Variants in RBFOX1 observed in about 807,000 individuals in gnomAD.
RBFOX1 encodes RNA binding protein fox-1 homolog 1.
RBFOX1 carries 8 observed loss-of-function variants against 57.7 expected under a neutral mutation model. The ratio of observed to expected loss-of-function variants is 0.14; its 90% CI spans 0.08 to 0.25. The LOEUF (loss-of-function observed/expected upper bound fraction) is 0.25. Ranked by LOEUF, RBFOX1 falls within the 10% of genes least tolerant of loss-of-function variation. The pLI is 1.00. For missense variants in RBFOX1, 611 were observed against 548.5 expected (o/e 1.11, Z -1.14); for synonymous variants, 326 against 222.4 (o/e 1.47, Z -4.15).
chr16:7,185,121 T>C lies in RBFOX1; in HGVS notation c.27+133023T>C, dbSNP rs570324490. Among the ~76,000 whole-genome samples, 5 of 152,278 alleles carry C rather than the reference T, an allele frequency of 3.3e-5. No homozygotes were observed. The South Asian group carries it at 1.0e-3, about 32-fold the overall frequency. On this transcript the variant is annotated intron_variant, in intron 4 of 15. Transcript: ENST00000550418. ...TTTAAACCACCTAACAGTGGGGTAT[T>C]ATGGAAGAGCATATGGGAGCACTTT...
intron 1 of RBFOX1, among the ~76,000 whole-genome samples, chr16:6,064,565 G>A (rs1313150433): frequency 5.3e-5 from 8 of 151,636 alleles, no homozygotes; most frequent in South Asian, 2.1e-4. Context: ...TTTTTTAGAC[G>A]GAGTGTCGCT....
intron 4 of RBFOX1, among the ~76,000 whole-genome samples, chr16:5,878,980 T>G (rs2057692376): frequency 1.3e-5 from 2 of 152,200 alleles, no homozygotes; most frequent in Admixed American, 6.5e-5. Flanking sequence ...TGAAATGTGT[T>G]AAGTTACATT....
intron 1 of RBFOX1, among the ~76,000 whole-genome samples, chr16:6,114,774 G>C (rs1438487596): frequency 6.6e-6 from 1 of 152,098 alleles, no homozygotes; most frequent in African/African-American, 2.4e-5. Context: ...TAGCCTGGGA[G>C]GATTATTGGC....
At chr16:6,921,277 T>G (rs2074385850) in intron 3 of RBFOX1, among the ~76,000 whole-genome samples, 1 of 152,206 alleles carries the variant, frequency 6.6e-6, no homozygotes, top group Non-Finnish European at 1.5e-5. Context: ...TGGGTTAAAA[T>G]TTTGATACAA....
At chr16:6,497,795 G>C (rs980538279) in intron 2 of RBFOX1, among the ~76,000 whole-genome samples, 26 of 151,966 alleles carry the variant, frequency 1.7e-4, no homozygotes, top group African/African-American at 5.8e-4. Context: ...GACCTCAAGT[G>C]ATCCACCCAT....
At chr16:6,936,741 T>G (rs532285672) in intron 3 of RBFOX1, among the ~76,000 whole-genome samples, 1 of 152,210 alleles carries the variant, frequency 6.6e-6, no homozygotes, top group South Asian at 2.1e-4. Flanking sequence ...AGAGGTAGGG[T>G]AATTCCATAC....
chr16:7,391,113 GAA>G (rs2098007607), intron 4 of RBFOX1, among the ~76,000 whole-genome samples: 1 of 152,106 alleles, frequency 6.6e-6, no homozygotes. Flanking sequence ...CTTTTGCACT[GAA>G]TATGTGACAG....
chr16:7,101,399 A>G (rs1358916247), intron 4 of RBFOX1, among the ~76,000 whole-genome samples: 2 of 152,202 alleles, frequency 1.3e-5, no homozygotes, highest in African/African-American at 4.8e-5. Context: ...AAACTCTTGG[A>G]TTTCGTTCCA....
chr16:5,856,078 T>A (rs2057021860), intron 3 of RBFOX1, among the ~76,000 whole-genome samples: 1 of 144,658 alleles, frequency 6.9e-6, no homozygotes, highest in Admixed American at 7.0e-5. Flanking sequence ...GATTTTTGTA[T>A]GTGGATTTTG....
intron 4 of RBFOX1, among the ~76,000 whole-genome samples, chr16:5,944,134 G>A (rs1048730970): frequency 6.6e-6 from 1 of 152,162 alleles, no homozygotes; most frequent in African/African-American, 2.4e-5. Context: ...ACAAGCCTTA[G>A]TTCATATCCT....
intron 4 of RBFOX1, among the ~76,000 whole-genome samples, chr16:7,400,503 C>T (rs1597467889): frequency 6.6e-6 from 1 of 152,278 alleles, no homozygotes; most frequent in East Asian, 1.9e-4. Flanking sequence ...CCTTGGCCCA[C>T]AGCTTTCTCC....
At chr16:7,046,080 A>T (rs1231067376) in intron 3 of RBFOX1, among the ~76,000 whole-genome samples, 1 of 151,970 alleles carries the variant, frequency 6.6e-6, no homozygotes, top group African/African-American at 2.4e-5. Context: ...AATGCCCTGT[A>T]TGTCACAAAG....
chr16:5,813,149 A>G (rs919248762), intron 3 of RBFOX1, among the ~76,000 whole-genome samples: 2 of 152,090 alleles, frequency 1.3e-5, no homozygotes, highest in Non-Finnish European at 2.9e-5. Context: ...CTGGAATTAC[A>G]GGCGCATGCC....
chr16:7,579,410 C>T (rs2093582176), intron 5 of RBFOX1, among the ~76,000 whole-genome samples: 1 of 152,094 alleles, frequency 6.6e-6, no homozygotes, highest in African/African-American at 2.4e-5. Context: ...TCGCTCCCCA[C>T]CTCCCAACCC....
chr16:5,482,112 C>T (rs897650086), intron 2 of RBFOX1, among the ~76,000 whole-genome samples: 3 of 152,138 alleles, frequency 2.0e-5, no homozygotes, highest in Non-Finnish European at 4.4e-5. Flanking sequence ...CATGGCGAAT[C>T]GTGTGATAAA....
chr16:5,710,273 G>A (rs572490261), intron 3 of RBFOX1, among the ~76,000 whole-genome samples: 1 of 152,144 alleles, frequency 6.6e-6, no homozygotes, highest in Non-Finnish European at 1.5e-5. Flanking sequence ...ATGTCACACA[G>A]CTTGTAAGGG....
At chr16:6,581,147 CAG>C (rs1230277998) in intron 2 of RBFOX1, among the ~76,000 whole-genome samples, 3 of 152,144 alleles carry the variant, frequency 2.0e-5, no homozygotes, top group Non-Finnish European at 2.9e-5. Context: ...GTGGGACAAC[CAG>C]AGTCTAATGA....
rs113488572 is a variant in RBFOX1 at position 7,582,945 on chromosome 16, A to G, written c.414+3025A>G. ...AGTGATCATTACAACGTCTGTAACC[A>G]CTAATAATTCGACCATACCATCTGC... On this transcript the variant is annotated intron_variant, in intron 6 of 15. Transcript: ENST00000550418. 3.7e-3 allele frequency among the ~76,000 whole-genome samples: 564 copies of G among 152,312 alleles called. 4 individuals are homozygous for G. The highest frequency in any genetic ancestry group is 0.013 in the African/African-American group (528 of 41,578).
At chr16:6,408,883 C>G (rs1379457105) in intron 2 of RBFOX1, among the ~76,000 whole-genome samples, 1 of 152,150 alleles carries the variant, frequency 6.6e-6, no homozygotes, top group African/African-American at 2.4e-5. Context: ...TTTCTTGTAG[C>G]TAGCTCTTCA....
Sources: allele counts gnomAD v4.1 joint callset (sites outside exome capture counted in the v4.1 genomes callset), GRCh38; gene constraint gnomAD v4.1.1; transcripts MANE v1.5; gene names NCBI Gene and HGNC (gene_info 2026-07-23, HGNC 2026-07-21).